Variants in CDKL5 observed in about 807,000 individuals in gnomAD.
CDKL5 encodes cyclin-dependent kinase-like 5.
A neutral mutation model predicts 61.7 loss-of-function variants in CDKL5; 8 were observed. The observed-to-expected ratio is 0.13, with a 90% confidence interval of 0.08 to 0.23. The LOEUF (loss-of-function observed/expected upper bound fraction) is 0.23. Ranked by LOEUF, CDKL5 falls within the 10% of genes least tolerant of loss-of-function variation. CDKL5 has a pLI of 1.00. For missense variants in CDKL5, 440 were observed against 734.5 expected (o/e 0.60, Z 4.63); for synonymous variants, 275 against 272.3 (o/e 1.01, Z -0.10).
At chrX:18,484,078 A>G (rs1921691801) in intron 1 of CDKL5, among the ~76,000 whole-genome samples, 1 of 111,685 alleles carries the variant, frequency 9.0e-6, no homozygotes, top group African/African-American at 3.3e-5. Flanking sequence ...GGAGACCTGG[A>G]GATGAGATCT....
At chrX:18,592,643 GTGTT>G (rs748246217) in intron 9 of CDKL5, among the ~76,000 whole-genome samples, 2 of 112,554 alleles carry the variant, frequency 1.8e-5, no homozygotes, top group Non-Finnish European at 3.8e-5. Context: ...TAGTCTGAAA[GTGTT>G]TGTGGTGTTT....
chrX:18,591,788 C>T (rs1209517385), intron 9 of CDKL5, among the ~76,000 whole-genome samples: 1 of 111,301 alleles, frequency 9.0e-6, no homozygotes, highest in Non-Finnish European at 1.9e-5. Flanking sequence ...CCTCCTTCCT[C>T]CCCTAGACTC....
chrX:18,507,290 A>C lies in CDKL5; in HGVS notation c.64+130A>C, dbSNP rs1048200581. On this transcript the variant is annotated intron_variant, in intron 2 of 17. Transcript: ENST00000623535. The stretch of plus-strand genomic sequence containing the variant: ...ATTCACATGTGTGTCTAAGAGTAAA[A>C]TATTAAAAATAAAATTACTCTTAAA... The C allele has an allele frequency of 2.1e-4, 96 of 457,672 alleles. No individual in the cohort carries two copies. The African/African-American group carries it at 2.2e-3, about 11-fold the overall frequency. The allele number at this position is 457,672 out of a possible 1,213,427, so 37.7% of individuals were successfully genotyped here. A position where few individuals can be genotyped will look rare whatever the true frequency, so the allele number is the denominator to read the frequency against.
chrX:18,512,877 T>C lies in CDKL5; in HGVS notation c.99+2023T>C, dbSNP rs541944545. Among the ~76,000 whole-genome samples, 49 of 111,332 alleles carry C rather than the reference T, an allele frequency of 4.4e-4. No individual in the cohort carries two copies. In the South Asian group the frequency reaches 0.018, roughly 41 times the overall value. On this transcript the variant is annotated intron_variant, in intron 3 of 17. Coordinates refer to ENST00000623535, the MANE Select transcript of CDKL5 (RefSeq NM_001323289.2). ...GAGAAATAGGTTATTAGTTTCTAAGTTAAATTTGACTTTTTCCCGAACATA... is the reference window on the plus strand; with the variant it reads ...GAGAAATAGGTTATTAGTTTCTAAGCTAAATTTGACTTTTTCCCGAACATA...
chrX:18,555,826 C>T (rs1238132731), intron 3 of CDKL5, among the ~76,000 whole-genome samples: 1 of 112,249 alleles, frequency 8.9e-6, no homozygotes, highest in Non-Finnish European at 1.9e-5. Context: ...GTCCAATAAA[C>T]ATTTGTTAGT....
intron 1 of CDKL5, among the ~76,000 whole-genome samples, chrX:18,439,803 C>T (rs1484207494): frequency 2.9e-5 from 3 of 102,281 alleles, no homozygotes; most frequent in African/African-American, 1.1e-4. Context: ...CATCACTGCA[C>T]TCCAGTCTGG....
chrX:18,592,449 G>T (rs774451570), intron 9 of CDKL5, among the ~76,000 whole-genome samples: 7 of 110,948 alleles, frequency 6.3e-5, no homozygotes, highest in Non-Finnish European at 1.3e-4. Flanking sequence ...GATTAGATAG[G>T]CCACACAAAG....
intron 1 of CDKL5, among the ~76,000 whole-genome samples, chrX:18,498,973 G>A (rs921684330): frequency 1.8e-5 from 2 of 111,132 alleles, no homozygotes; most frequent in African/African-American, 6.6e-5. Flanking sequence ...ATTTCACCAT[G>A]TTAACCAGGC....
At chrX:18,503,110 T>C (rs1216625720) in intron 1 of CDKL5, among the ~76,000 whole-genome samples, 1 of 112,705 alleles carries the variant, frequency 8.9e-6, no homozygotes, top group Non-Finnish European at 1.9e-5. Flanking sequence ...TAAAGTTACA[T>C]ATATATTTGA....
At chrX:18,601,264 G>A (rs777099859) in intron 11 of CDKL5, among the ~76,000 whole-genome samples, 2 of 112,029 alleles carry the variant, frequency 1.8e-5, no homozygotes, top group African/African-American at 6.5e-5. Flanking sequence ...CGGTGCAATG[G>A]TGCATCAGCT....
At chrX:18,451,730 G>A (rs772916821) in intron 1 of CDKL5, among the ~76,000 whole-genome samples, 1 of 110,626 alleles carries the variant, frequency 9.0e-6, no homozygotes, top group South Asian at 3.8e-4. Context: ...GTAGAGATGG[G>A]GTTTTGCCAT....
chrX:18,567,991 A>T (rs1331007536), intron 4 of CDKL5, among the ~76,000 whole-genome samples: 1 of 112,148 alleles, frequency 8.9e-6, no homozygotes. Context: ...GGGCAAAATC[A>T]TATAACAAAG....
At chrX:18,576,713 A>G (rs767135931) in intron 5 of CDKL5, among the ~76,000 whole-genome samples, 14 of 109,637 alleles carry the variant, frequency 1.3e-4, no homozygotes, top group Non-Finnish European at 2.7e-4. Flanking sequence ...CCACTGCTTT[A>G]TGTTCCTTTT....
At chrX:18,545,957 TCATTAAATAGA>T (rs977658681) in intron 3 of CDKL5, among the ~76,000 whole-genome samples, 5 of 111,910 alleles carry the variant, frequency 4.5e-5, no homozygotes, top group Admixed American at 1.9e-4. Flanking sequence ...TCCGATTAGT[TCATTAAATAGA>T]CATTTGGTAA....
intron 4 of CDKL5, among the ~76,000 whole-genome samples, chrX:18,573,105 G>C (rs1362760804): frequency 9.0e-6 from 1 of 110,752 alleles, no homozygotes; most frequent in Non-Finnish European, 1.9e-5. Context: ...AAGTCTGAAG[G>C]CCATTAAGGT....
At chrX:18,510,148 T>G (rs544379558) in intron 2 of CDKL5, among the ~76,000 whole-genome samples, 5 of 110,801 alleles carry the variant, frequency 4.5e-5, no homozygotes, top group Admixed American at 9.7e-5. Context: ...CTTAAGGTTT[T>G]TTTGTTTGTT....
intron 1 of CDKL5, among the ~76,000 whole-genome samples, chrX:18,480,881 G>T (rs1921524424): frequency 1.0e-5 from 1 of 98,792 alleles, no homozygotes. Flanking sequence ...TTTTGGAGAG[G>T]AAGTCTCGTT....
At chrX:18,541,148 T>C (rs1924009853) in intron 3 of CDKL5, among the ~76,000 whole-genome samples, 1 of 112,345 alleles carries the variant, frequency 8.9e-6, no homozygotes, top group African/African-American at 3.2e-5. Flanking sequence ...GTGTCTTGGC[T>C]GGAATTACTT....
intron 2 of CDKL5, among the ~76,000 whole-genome samples, chrX:18,508,076 G>A (rs1051298216): frequency 8.9e-6 from 1 of 111,759 alleles, no homozygotes; most frequent in African/African-American, 3.2e-5. Flanking sequence ...TTTTGCTCTA[G>A]ACTTAAAGAT....
Sources: allele counts gnomAD v4.1 joint callset (sites outside exome capture counted in the v4.1 genomes callset), GRCh38; gene constraint gnomAD v4.1.1; transcripts MANE v1.5; gene names NCBI Gene and HGNC (gene_info 2026-07-23, HGNC 2026-07-21).